Variants in ARL5A observed in about 807,000 individuals in gnomAD.
The protein encoded by ARL5A is ADP-ribosylation factor-like protein 5A.
ARL5A carries 18 observed loss-of-function variants against 25.9 expected under a neutral mutation model. The observed-to-expected ratio is 0.69, with a 90% confidence interval of 0.48 to 1.03. The LOEUF is 1.03. ARL5A is among the 50% of genes least tolerant of loss of function. ARL5A has a pLI of 0.00. For missense variants in ARL5A, 170 were observed against 211.9 expected, an observed-to-expected ratio of 0.80 and a Z score of 1.23; for synonymous variants, 61 against 67.5, an observed-to-expected ratio of 0.90 and a Z score of 0.47.
At position 151,801,079 on chromosome 2, in the gene ARL5A, G is replaced by A. The variant is rs1315192342; in HGVS notation, c.*2197C>T. 1 of 152,124 alleles carries A rather than the reference G, an allele frequency of 6.6e-6. No individual in the cohort carries two copies. Among genetic ancestry groups the A allele is most frequent in the Non-Finnish European group, 1.5e-5 (1 of 67,896 alleles). 9.4% of individuals were successfully genotyped at this position (152,124 alleles called of 1,614,324 possible). ...TTATTTTTTTCCCAACTATAATTTT[G>A]GTTTTATGTACAAGTACACAAGTAC... On this transcript the variant is annotated 3_prime_UTR_variant, in exon 6 of 6. Transcript: ENST00000295087.
At chr2:151,811,343 C>A (rs139630288) in intron 4 of ARL5A, among the ~76,000 whole-genome samples, 83 of 152,174 alleles carry the variant, frequency 5.5e-4, no homozygotes, top group Non-Finnish European at 9.9e-4. Flanking sequence ...ATAAAAAACT[C>A]TATATATCTA....
At position 151,802,468 on chromosome 2, in the gene ARL5A, T is replaced by C. The variant is rs192928398; in HGVS notation, c.*808A>G. ...AAGGAATAATCTGATAGTTGCTCAT[T>C]GTACAATCCTGCCTATTAGTAATAC... On this transcript the variant is annotated 3_prime_UTR_variant, in exon 6 of 6. Coordinates refer to ENST00000295087, the MANE Select transcript of ARL5A (RefSeq NM_012097.4). The C allele has an allele frequency of 1.1e-3, 172 of 152,228 alleles. No homozygotes were observed. The highest frequency in any genetic ancestry group is 4.1e-3 in the African/African-American group (171 of 41,562). The allele number at this position is 152,228 out of a possible 1,614,324, so 9.4% of individuals were successfully genotyped here.
chr2:151,824,354 T>G (rs1314525645), intron 1 of ARL5A, among the ~76,000 whole-genome samples: 1 of 152,228 alleles, frequency 6.6e-6, no homozygotes, highest in East Asian at 1.9e-4. Context: ...TATTTTCAAT[T>G]ATCTATCTAT....
At chr2:151,811,478 G>A (rs1284440849) in intron 4 of ARL5A, among the ~76,000 whole-genome samples, 1 of 151,674 alleles carries the variant, frequency 6.6e-6, no homozygotes, top group African/African-American at 2.4e-5. Context: ...TTATCAAGTT[G>A]ACTATATTAT....
At chr2:151,810,736 C>T (rs1160571216) in intron 4 of ARL5A, among the ~76,000 whole-genome samples, 1 of 152,190 alleles carries the variant, frequency 6.6e-6, no homozygotes, top group East Asian at 1.9e-4. Context: ...TTGAACCCTA[C>T]TACTGGGCTC....
rs1421926619 is a variant in ARL5A at position 151,803,283 on chromosome 2, A to C, written c.533T>G (p.Ile178Ser). The change falls in exon 6 of 6, where the codon ATT becomes AGT. Residue 178 changes from isoleucine to serine, a missense_variant. By Grantham distance (142) the Ile-to-Ser change is moderately radical (BLOSUM62 -2). Coordinates refer to ENST00000295087, the MANE Select transcript of ARL5A (RefSeq NM_012097.4). Reference protein sequence around the residue: ...GLEWMMSRLKIR With the variant: ...GLEWMMSRLKSR ...AGAAGAGGTCAGTAGAGATCATCTA[A>C]TCTTAAGTCGTGACATCATCCATTC... 1 of 1,612,372 alleles carries C rather than the reference A, an allele frequency of 6.2e-7. No homozygotes were observed. Among genetic ancestry groups the C allele is most frequent in the Non-Finnish European group, 8.5e-7 (1 of 1,178,620 alleles).
At chr2:151,810,244 T>A (rs988613242) in intron 4 of ARL5A, 1 of 152,746 alleles carries the variant, frequency 6.5e-6, no homozygotes, top group Non-Finnish European at 1.5e-5. Flanking sequence ...AAAATTATTT[T>A]AAAATTTTTA....
intron 1 of ARL5A, among the ~76,000 whole-genome samples, chr2:151,817,611 T>C (rs1344301048): frequency 6.6e-6 from 1 of 152,242 alleles, no homozygotes; most frequent in Non-Finnish European, 1.5e-5. Context: ...CAGTCATCTA[T>C]TTCTTTGTAA....
chr2:151,812,385 T>A lies in ARL5A; in HGVS notation c.311A>T (p.Glu104Val). 6.2e-7 allele frequency: 1 copy of A among 1,606,248 alleles called. No individual in the cohort carries two copies. The highest frequency in any genetic ancestry group is 8.5e-7 in the Non-Finnish European group (1 of 1,177,490). ...TDRERISVTR[E>V]ELYKMLAHED... ...ATGCGCTAACATTTTATAGAGTTCT[T>A]CTCTAGTTACAGAAATCCTCTCTCT... Residue 104 changes from glutamate (E) to valine (V), a missense_variant, in exon 4 of 6, where the codon GAA becomes GTA. Transcript: ENST00000295087.
chr2:151,821,119 T>C (rs1199056333), intron 1 of ARL5A, among the ~76,000 whole-genome samples: 1 of 152,222 alleles, frequency 6.6e-6, no homozygotes, highest in Non-Finnish European at 1.5e-5. Context: ...ACTCAGTCTC[T>C]AGAACATGTC....
chr2:151,828,187 C>CG lies in ARL5A; in HGVS notation c.-12dup, dbSNP rs2099833352. ...GAAGAGAATTCCCATTCTCGGGCAG[C>CG]GGACCCCCCCCCTCCAGACACCCGG... On this transcript the variant is annotated 5_prime_UTR_variant, in exon 1 of 6. Coordinates refer to ENST00000295087, the MANE Select transcript of ARL5A (RefSeq NM_012097.4). 1 of 1,489,440 alleles carries CG rather than the reference C, an allele frequency of 6.7e-7. No homozygotes were observed. 92.3% of individuals were successfully genotyped at this position (1,489,440 alleles called of 1,614,324 possible). A position where few individuals can be genotyped will look rare whatever the true frequency, so the allele number is the denominator to read the frequency against.
chr2:151,823,535 A>C (rs2099832639), intron 1 of ARL5A, among the ~76,000 whole-genome samples: 1 of 152,194 alleles, frequency 6.6e-6, no homozygotes, highest in Non-Finnish European at 1.5e-5. Context: ...TCAAAAAAAT[A>C]TTACAGGGGA....
intron 1 of ARL5A, chr2:151,827,847 C>A: frequency 2.1e-6 from 1 of 468,318 alleles, no homozygotes; most frequent in East Asian, 4.5e-5. Context: ...GGACCTAGGG[C>A]AAGAAACCTT....
intron 1 of ARL5A, among the ~76,000 whole-genome samples, chr2:151,825,929 T>C (rs2099832995): frequency 6.6e-6 from 1 of 151,950 alleles, no homozygotes; most frequent in Admixed American, 6.6e-5. Context: ...TGGTGACCAT[T>C]CTGGCCAACG....
intron 1 of ARL5A, among the ~76,000 whole-genome samples, chr2:151,817,483 T>C (rs1445610730): frequency 1.3e-5 from 2 of 152,250 alleles, no homozygotes; most frequent in African/African-American, 4.8e-5. Flanking sequence ...AAATGGTAGA[T>C]GTTTTCCATA....
intron 1 of ARL5A, among the ~76,000 whole-genome samples, chr2:151,826,286 CTT>C (rs571230735): frequency 5.9e-5 from 9 of 152,142 alleles, no homozygotes; most frequent in Non-Finnish European, 1.3e-4. Flanking sequence ...TAGAACTTAA[CTT>C]CATTAATTTC....
intron 4 of ARL5A, among the ~76,000 whole-genome samples, chr2:151,809,150 T>C (rs1284235684): frequency 6.6e-6 from 1 of 152,244 alleles, no homozygotes; most frequent in Admixed American, 6.5e-5. Flanking sequence ...ATCTTCTCAG[T>C]TTCAGTACAT....
intron 5 of ARL5A, among the ~76,000 whole-genome samples, chr2:151,804,030 A>T (rs1272566921): frequency 6.6e-6 from 1 of 152,194 alleles, no homozygotes; most frequent in Non-Finnish European, 1.5e-5. Flanking sequence ...AAATGATTTC[A>T]TAATTCTCAT....
At chr2:151,812,496 T>G (rs961577642) in intron 3 of ARL5A, 56 bp from the exon 4 acceptor site, 1 of 1,159,954 alleles carries the variant, frequency 8.6e-7, no homozygotes, top group Non-Finnish European at 1.2e-6. Context: ...TCTGTAAAAT[T>G]TATAATGTGT....
Sources: gnomAD v4.1 joint callset for allele counts (sites outside exome capture counted in the v4.1 genomes callset) on GRCh38, gnomAD v4.1.1 for gene constraint, MANE v1.5 for transcripts, NCBI Gene and HGNC (gene_info 2026-07-23, HGNC 2026-07-21) for gene names.